Variants in DMXL2 observed in about 807,000 individuals in gnomAD.
The protein encoded by DMXL2 is dmX-like protein 2.
DMXL2 carries 103 observed loss-of-function variants against 331.1 expected under a neutral mutation model. That is an observed-to-expected ratio of 0.31 (90% CI 0.27 to 0.37). The LOEUF is 0.37. Among genes scored for constraint, DMXL2 ranks in the 10% least tolerant of loss-of-function variants. The pLI is 1.00. For missense variants in DMXL2, 3,171 were observed against 3,642.9 expected, an observed-to-expected ratio of 0.87 and a Z score of 3.33; for synonymous variants, 1,281 against 1,252.1, an observed-to-expected ratio of 1.02 and a Z score of -0.49.
chr15:51,524,980 G>A (rs2047587783), intron 13 of DMXL2, among the ~76,000 whole-genome samples: 1 of 151,674 alleles, frequency 6.6e-6, no homozygotes, highest in Non-Finnish European at 1.5e-5. Context: ...CGGCTCCAAA[G>A]GAGACTCCTT....
chr15:51,565,375 T>C (rs550852162), intron 3 of DMXL2, among the ~76,000 whole-genome samples: 5 of 152,184 alleles, frequency 3.3e-5, no homozygotes, highest in Non-Finnish European at 5.9e-5. Context: ...ATTGAGCTCC[T>C]TGCCATGCCC....
chr15:51,608,277 T>C (rs2053726483), intron 1 of DMXL2, among the ~76,000 whole-genome samples: 1 of 152,112 alleles, frequency 6.6e-6, no homozygotes, highest in Non-Finnish European at 1.5e-5. Context: ...TATAAATCGT[T>C]ATACCATGAA....
Position 51,450,207 on chromosome 15 carries a change from A to G in DMXL2, c.8889T>C (p.His2963=). The change falls in exon 43 of 44, where the codon CAT becomes CAC. Residue 2963 remains histidine, a synonymous_variant. Transcript: ENST00000560891. ...QRQLIHTFQA[H]DSAIKALALD... ...AGGCCAGAGCCTTAATAGCTGAGTC[A>G]TGGGCCTGGAACGTGTGAATGAGCT... 6.2e-7 allele frequency: 1 copy of G among 1,614,142 alleles called. No homozygotes were observed. Among genetic ancestry groups the G allele is most frequent in the Non-Finnish European group, 8.5e-7 (1 of 1,180,004 alleles).
chr15:51,522,267 T>C (rs763931109), intron 13 of DMXL2, among the ~76,000 whole-genome samples: 15 of 152,258 alleles, frequency 9.9e-5, no homozygotes, highest in Non-Finnish European at 2.2e-4. Flanking sequence ...AGAGATCTAA[T>C]GACTTCAAGT....
intron 34 of DMXL2, chr15:51,459,275 T>G: frequency 4.7e-6 from 1 of 210,764 alleles, no homozygotes; most frequent in Non-Finnish European, 9.9e-6. Flanking sequence ...AAGAGACTGA[T>G]GAGAGGAAGA....
intron 22 of DMXL2, among the ~76,000 whole-genome samples, chr15:51,487,392 A>G (rs2042472215): frequency 6.7e-6 from 1 of 148,706 alleles, no homozygotes; most frequent in Non-Finnish European, 1.5e-5. Context: ...TTCATAAACT[A>G]TTTTTCAGCA....
chr15:51,579,983 T>G lies in DMXL2; in HGVS notation c.88-3802A>C, dbSNP rs534032702. 6.6e-5 allele frequency among the ~76,000 whole-genome samples: 10 copies of G among 152,318 alleles called. No homozygotes were observed. The South Asian group carries it at 2.1e-3, about 32-fold the overall frequency. On this transcript the variant is annotated intron_variant, in intron 1 of 43. Transcript: ENST00000560891. ...CCTAGTTCACTGAATGAGGATTCAT[T>G]TGCTTCACAGTAAAGTTCCTGCTCT...
chr15:51,588,836 G>C (rs544872798), intron 1 of DMXL2, among the ~76,000 whole-genome samples: 1 of 152,280 alleles, frequency 6.6e-6, no homozygotes, highest in South Asian at 2.1e-4. Context: ...TCTTCCTATA[G>C]ATGTTTCCTT....
At chr15:51,481,730 A>G in intron 23 of DMXL2, 107 bp from the exon 24 acceptor site, 1 of 1,075,014 alleles carries the variant, frequency 9.3e-7, no homozygotes. Context: ...ACATGTAAAT[A>G]TTAACCTACG....
chr15:51,535,101 G>T (rs1223318922), intron 13 of DMXL2, among the ~76,000 whole-genome samples: 1 of 152,028 alleles, frequency 6.6e-6, no homozygotes, highest in Admixed American at 6.6e-5. Context: ...ATAGTCATTG[G>T]TTTTCAATAC....
chr15:51,455,197 C>A lies in DMXL2; in HGVS notation c.8558G>T (p.Ser2853Ile). 6.2e-7 allele frequency: 1 copy of A among 1,614,114 alleles called. No homozygotes were observed. Among genetic ancestry groups the A allele is most frequent in the Non-Finnish European group, 8.5e-7 (1 of 1,179,994 alleles). The change falls in exon 40 of 44, where the codon AGT (serine) becomes ATT (isoleucine). Residue 2853 changes from serine to isoleucine, a missense_variant. By Grantham distance (142) the Ser-to-Ile change is moderately radical. This residue lies in a region of DMXL2 where 766 missense variants were observed against 940.5 expected (regional missense o/e 0.81). Transcript: ENST00000560891. Reference protein sequence around the residue: ...CGVADGEGFLSIWQVNQTASN... With the variant: ...CGVADGEGFLIIWQVNQTASN... ...TGCAGTTTGGTTAACTTGCCAGATA[C>A]TCAGAAAACCCTCTCCATCCGCAAC...
rs554213139 is a variant in DMXL2 at position 51,518,018 on chromosome 15, G to A, written c.2437-851C>T. 5.3e-5 allele frequency among the ~76,000 whole-genome samples: 8 copies of A among 152,304 alleles called. No homozygotes were observed. The South Asian group carries it at 1.7e-3, about 32-fold the overall frequency. On this transcript the variant is annotated intron_variant, in intron 13 of 43. Coordinates refer to ENST00000560891, the MANE Select transcript of DMXL2 (RefSeq NM_001378457.1). ...TCACCCAAGATTCATGATTTAAAGT[G>A]TTAGCTCAGACATTTAGAAATGGTG...
chr15:51,479,774 A>T (rs142458174), intron 25 of DMXL2, among the ~76,000 whole-genome samples, 174 bp downstream of exon 25: 16 of 152,346 alleles, frequency 1.1e-4, no homozygotes, highest in African/African-American at 3.1e-4. Context: ...ACTTCTCCAG[A>T]AGTAAGAACA....
chr15:51,537,357 A>T, intron 11 of DMXL2, 131 bp downstream of exon 11: 1 of 782,374 alleles, frequency 1.3e-6, no homozygotes, highest in Non-Finnish European at 2.0e-6. Flanking sequence ...GAAAGAAAGA[A>T]GTATTCTTTA....
At chr15:51,568,591 G>C (rs1054552313) in intron 2 of DMXL2, 33 bp from the exon 3 acceptor site, 1 of 1,366,844 alleles carries the variant, frequency 7.3e-7, no homozygotes, top group Non-Finnish European at 1.0e-6. Context: ...TTAATATCTA[G>C]AAAAGGGTAA....
intron 43 of DMXL2, 82 bp from the exon 44 acceptor site, chr15:51,449,275 A>G (rs2038925416): frequency 2.1e-6 from 3 of 1,421,292 alleles, no homozygotes; most frequent in South Asian, 1.2e-5. Context: ...CCTTGGCCCA[A>G]GTGATCTCAC....
chr15:51,458,943 T>C (rs2039891426), intron 34 of DMXL2, 148 bp from the exon 35 acceptor site: 1 of 695,636 alleles, frequency 1.4e-6, no homozygotes, highest in South Asian at 2.0e-5. Context: ...AGAGTAACTT[T>C]AATGTGTTGA....
intron 1 of DMXL2, among the ~76,000 whole-genome samples, chr15:51,610,270 TAAAAC>T (rs1295885932): frequency 6.6e-6 from 1 of 151,978 alleles, no homozygotes; most frequent in Non-Finnish European, 1.5e-5. Flanking sequence ...CACAAATAAA[TAAAAC>T]AAAATTAACA....
In DMXL2 at chr15:51,582,727, A is replaced by G. The variant is rs76164426; in HGVS notation, c.88-6546T>C. 8.5e-3 allele frequency among the ~76,000 whole-genome samples: 1,292 copies of G among 152,300 alleles called. 12 individuals are homozygous for G. Among genetic ancestry groups the G allele is most frequent in the African/African-American group, 0.029 (1,213 of 41,574 alleles). On this transcript the variant is annotated intron_variant, in intron 1 of 43. Transcript: ENST00000560891. ...TTAAGCAAGAAATTTCACAAGTCACATATACATTGAAATCATGTACAAGGT... is the reference window on the plus strand; with the variant it reads ...TTAAGCAAGAAATTTCACAAGTCACGTATACATTGAAATCATGTACAAGGT...
Sources: gnomAD v4.1 joint callset for allele counts (sites outside exome capture counted in the v4.1 genomes callset) on GRCh38, gnomAD v4.1.1 for gene constraint, gnomAD v4.1.1 regional missense constraint, MANE v1.5 for transcripts, NCBI Gene and HGNC (gene_info 2026-07-23, HGNC 2026-07-21) for gene names.